MTSS1: variants seen among roughly 807,000 people sequenced by gnomAD.
MTSS1 encodes protein MTSS 1.
Under a neutral mutation model 79.0 loss-of-function variants are expected in MTSS1, and 18 were observed. The observed-to-expected ratio is 0.23, with a 90% confidence interval of 0.16 to 0.34. The LOEUF (loss-of-function observed/expected upper bound fraction) is 0.34, where lower values mean the gene tolerates loss of function less well. MTSS1 is among the 10% of genes least tolerant of loss of function. The pLI is 1.00. For missense variants in MTSS1, 815 were observed against 986.2 expected (o/e 0.83, Z 2.33); for synonymous variants, 341 against 368.6 (o/e 0.93, Z 0.86).
At chr8:124,648,603 C>A (rs2134124367) in intron 3 of MTSS1, among the ~76,000 whole-genome samples, 1 of 152,166 alleles carries the variant, frequency 6.6e-6, no homozygotes, top group South Asian at 2.1e-4. Context: ...GGGGTCTCCA[C>A]ATCAAAGTTG....
intron 3 of MTSS1, 126 bp from the exon 4 acceptor site, chr8:124,591,361 G>A: frequency 1.3e-6 from 1 of 745,308 alleles, no homozygotes; most frequent in Non-Finnish European, 2.3e-6. Flanking sequence ...ATCTTTAGAA[G>A]CTTCTCACCA....
intron 1 of MTSS1, among the ~76,000 whole-genome samples, chr8:124,709,910 C>G (rs901525009): frequency 6.6e-6 from 1 of 152,240 alleles, no homozygotes; most frequent in African/African-American, 2.4e-5. Context: ...CACCCCCTTC[C>G]CACCTACCCT....
chr8:124,641,863 A>C (rs1462902711), intron 3 of MTSS1, among the ~76,000 whole-genome samples: 2 of 152,220 alleles, frequency 1.3e-5, no homozygotes, highest in African/African-American at 2.4e-5. Context: ...TCAGACCCAG[A>C]TGTTAAACAA....
chr8:124,624,028 C>T (rs1206056493), intron 3 of MTSS1, among the ~76,000 whole-genome samples: 1 of 152,192 alleles, frequency 6.6e-6, no homozygotes, highest in Non-Finnish European at 1.5e-5. Context: ...GTCAGCTCAT[C>T]GAAGCTATCA....
intron 6 of MTSS1, chr8:124,577,712 C>T (rs1332519945): frequency 2.1e-6 from 1 of 484,754 alleles, no homozygotes; most frequent in East Asian, 5.9e-5. Flanking sequence ...AAGCCCTGGG[C>T]TTAGCCTCGA....
chr8:124,696,090 C>T (rs189006024), intron 3 of MTSS1, among the ~76,000 whole-genome samples: 63 of 152,092 alleles, frequency 4.1e-4, no homozygotes, highest in African/African-American at 9.6e-4. Flanking sequence ...CGAGTTCAAG[C>T]GATTCTCCTG....
intron 3 of MTSS1, among the ~76,000 whole-genome samples, chr8:124,679,591 A>C (rs1350702839): frequency 6.6e-6 from 1 of 152,222 alleles, no homozygotes; most frequent in African/African-American, 2.4e-5. Flanking sequence ...CCTTCTAAGA[A>C]GCCAGCCCAG....
intron 4 of MTSS1, 33 bp downstream of exon 4, chr8:124,591,116 GGT>G: frequency 6.4e-7 from 1 of 1,561,090 alleles, no homozygotes; most frequent in Non-Finnish European, 8.8e-7. Flanking sequence ...AATCTGCAAG[GGT>G]GTTGGCGATC....
At position 124,629,749 on chromosome 8, in the gene MTSS1, C is replaced by G. The variant is rs552898844; in HGVS notation, c.209-38514G>C. On this transcript the variant is annotated intron_variant, in intron 3 of 13. Transcript: ENST00000518547. The stretch of plus-strand genomic sequence containing the variant: ...CGTAACACACAGAGGCCACAGCCTG[C>G]CTGAGGGGAGGGTTCTCTCTCCCAG... Among the ~76,000 whole-genome samples the G allele has an allele frequency of 4.6e-5, 7 of 152,234 alleles. No homozygotes were observed. The East Asian group carries it at 1.3e-3, about 29-fold the overall frequency.
At chr8:124,650,422 C>T (rs1299908850) in intron 3 of MTSS1, among the ~76,000 whole-genome samples, 2 of 152,210 alleles carry the variant, frequency 1.3e-5, no homozygotes, top group African/African-American at 2.4e-5. Context: ...TCAGTCAGAA[C>T]ACACAGGATG....
intron 6 of MTSS1, among the ~76,000 whole-genome samples, chr8:124,573,072 T>C (rs1358497619): frequency 1.3e-5 from 2 of 152,166 alleles, no homozygotes; most frequent in Non-Finnish European, 2.9e-5. Context: ...AATGCAAATA[T>C]TCTCACTGCT....
intron 1 of MTSS1, among the ~76,000 whole-genome samples, chr8:124,709,422 C>A (rs983162270): frequency 2.0e-5 from 3 of 152,186 alleles, no homozygotes; most frequent in Non-Finnish European, 4.4e-5. Flanking sequence ...CACCTGAGAA[C>A]ACATAAAGGC....
intron 7 of MTSS1, chr8:124,567,926 C>T (rs1218871750): frequency 2.1e-6 from 3 of 1,403,772 alleles, no homozygotes; most frequent in African/African-American, 2.9e-5. Context: ...TTCATTGAGG[C>T]TCTTGGATAT....
chr8:124,575,916 C>T (rs984834823), intron 6 of MTSS1, among the ~76,000 whole-genome samples: 1 of 152,138 alleles, frequency 6.6e-6, no homozygotes, highest in Non-Finnish European at 1.5e-5. Context: ...AGAAATTTAC[C>T]ATTGCCTTCA....
At chr8:124,600,275 A>T (rs1833563403) in intron 3 of MTSS1, among the ~76,000 whole-genome samples, 1 of 152,092 alleles carries the variant, frequency 6.6e-6, no homozygotes, top group East Asian at 1.9e-4. Flanking sequence ...TATTAATATC[A>T]TATCTTTCTA....
chr8:124,551,149 C>T lies in MTSS1; in HGVS notation c.*1843G>A, dbSNP rs72714708. 14,688 of 152,546 alleles carry T rather than the reference C, an allele frequency of 0.096. 826 individuals are homozygous for T. The highest frequency in any genetic ancestry group is 0.17 in the East Asian group (868 of 5,178). The allele number at this position is 152,546 out of a possible 1,614,324, so 9.4% of individuals were successfully genotyped here. On this transcript the variant is annotated 3_prime_UTR_variant, in exon 14 of 14. Transcript: ENST00000518547. Reference sequence around the variant, plus strand: ...AAGGTACAGTTACATCCATTTATTTCAAAGGTTTAAAATACCACTTTTATC... The same window carrying T: ...AAGGTACAGTTACATCCATTTATTTTAAAGGTTTAAAATACCACTTTTATC...
At chr8:124,651,905 G>A (rs3097625) in intron 3 of MTSS1, among the ~76,000 whole-genome samples, 1 of 152,132 alleles carries the variant, frequency 6.6e-6, no homozygotes, top group Non-Finnish European at 1.5e-5. Flanking sequence ...GGGTTCCTTA[G>A]AGGCAGGGGT....
chr8:124,595,473 G>T (rs1832595848), intron 3 of MTSS1, among the ~76,000 whole-genome samples: 2 of 152,086 alleles, frequency 1.3e-5, no homozygotes, highest in African/African-American at 4.8e-5. Flanking sequence ...GCACTCCTTG[G>T]CTCGTGGCCC....
chr8:124,634,087 T>C (rs1269474607), intron 3 of MTSS1, among the ~76,000 whole-genome samples: 1 of 150,844 alleles, frequency 6.6e-6, no homozygotes, highest in Non-Finnish European at 1.5e-5. Flanking sequence ...TATAGACCAG[T>C]CCTTATTTAT....
Sources: gnomAD v4.1 joint callset for allele counts (sites outside exome capture counted in the v4.1 genomes callset) on GRCh38, gnomAD v4.1.1 for gene constraint, MANE v1.5 for transcripts, NCBI Gene and HGNC (gene_info 2026-07-23, HGNC 2026-07-21) for gene names.